KCNN3: variants seen among roughly 807,000 people sequenced by gnomAD.
KCNN3 encodes potassium calcium-activated channel subfamily N member 3, also known as small conductance calcium-activated potassium channel protein 3.
A neutral mutation model predicts 62.9 loss-of-function variants in KCNN3; 16 were observed. That is an observed-to-expected ratio of 0.25 (90% confidence interval 0.17 to 0.39). The LOEUF (loss-of-function observed/expected upper bound fraction) is 0.39. KCNN3 is among the 10% of genes least tolerant of loss of function. KCNN3 has a pLI of 1.00. For synonymous variants in KCNN3, 370 were observed against 389.2 expected, an observed-to-expected ratio of 0.95 and a Z score of 0.58; for missense variants, 599 against 949.4, an observed-to-expected ratio of 0.63 and a Z score of 4.85.
At chr1:154,857,655 T>G (rs1374048293) in intron 1 of KCNN3, among the ~76,000 whole-genome samples, 1 of 152,164 alleles carries the variant, frequency 6.6e-6, no homozygotes, top group Non-Finnish European at 1.5e-5. Flanking sequence ...CTCCCCTGTG[T>G]GCAAATCCAA....
intron 2 of KCNN3, among the ~76,000 whole-genome samples, chr1:154,790,383 A>G (rs1470309479): frequency 6.6e-6 from 1 of 152,232 alleles, no homozygotes; most frequent in African/African-American, 2.4e-5. Context: ...TGCATTTAAT[A>G]CACCTAACCT....
chr1:154,796,273 C>T (rs530815436), intron 2 of KCNN3, among the ~76,000 whole-genome samples: 2 of 152,332 alleles, frequency 1.3e-5, no homozygotes, highest in South Asian at 2.1e-4. Context: ...TCTGGCCTCC[C>T]AGGACCATTT....
chr1:154,709,393 T>G (rs1485254462), intron 7 of KCNN3, among the ~76,000 whole-genome samples: 1 of 152,160 alleles, frequency 6.6e-6, no homozygotes, highest in Non-Finnish European at 1.5e-5. Context: ...GGGTTTCTGA[T>G]GATCTGCCAG....
intron 5 of KCNN3, 91 bp from the exon 6 acceptor site, chr1:154,715,094 ACGATTTTG>A: frequency 1.4e-6 from 2 of 1,474,996 alleles, no homozygotes; most frequent in Non-Finnish European, 1.9e-6. Flanking sequence ...TCATAAGGAA[ACGATTTTG>A]CAATGATCTA....
intron 5 of KCNN3, 93 bp downstream of exon 5, chr1:154,725,823 G>C (rs766624453): frequency 7.5e-5 from 67 of 898,316 alleles, no homozygotes; most frequent in Non-Finnish European, 9.8e-5. Context: ...GATTACAGGC[G>C]TGAGCCACTG....
rs1012233133 is a variant in KCNN3, at chr1:154,809,932, C to T, written c.1029+12157G>A. The stretch of plus-strand genomic sequence containing the variant: ...GCAGTAACAAAGTGAGAAAGCAGGT[C>T]GGTGCCTTCTGTACTGACCTGATCC... On this transcript the variant is annotated intron_variant, in intron 2 of 7. Transcript: ENST00000271915. This position sits in a 1 kb window ranked among gnomAD's most constrained non-coding sequence, Gnocchi z 4.3. Among the ~76,000 whole-genome samples the T allele has an allele frequency of 2.6e-5, 4 of 152,180 alleles. No individual in the cohort carries two copies. The highest frequency in any genetic ancestry group is 6.5e-5 in the Admixed American group (1 of 15,280).
rs1229567739 is a variant in KCNN3, at chr1:154,862,809, G to A, written c.933+6223C>T. ...TCAAGCCCTTCCTGCCCAGCTCGTG[G>A]TAAAGTTCCTCCTGTTCCAACATTT... On this transcript the variant is annotated intron_variant, in intron 1 of 7. Transcript: ENST00000271915. This position sits in a 1 kb window ranked among gnomAD's most constrained non-coding sequence, Gnocchi z 4.1. 6.6e-6 allele frequency among the ~76,000 whole-genome samples: 1 copy of A among 152,150 alleles called. No individual in the cohort carries two copies. The highest frequency in any genetic ancestry group is 2.4e-5 in the African/African-American group (1 of 41,422).
chr1:154,764,098 T>C (rs1648146920), intron 3 of KCNN3, among the ~76,000 whole-genome samples: 1 of 152,256 alleles, frequency 6.6e-6, no homozygotes, highest in Non-Finnish European at 1.5e-5. Flanking sequence ...TTCTAGGTAC[T>C]TCTTTTGTAA....
At chr1:154,867,358 T>A (rs1652994784) in intron 1 of KCNN3, among the ~76,000 whole-genome samples, 1 of 152,190 alleles carries the variant, frequency 6.6e-6, no homozygotes, top group African/African-American at 2.4e-5. Flanking sequence ...GCTGAGACGC[T>A]CATCCTTGAG....
At chr1:154,748,274 C>T (rs1426333934) in intron 3 of KCNN3, among the ~76,000 whole-genome samples, 1 of 152,028 alleles carries the variant, frequency 6.6e-6, no homozygotes, top group Non-Finnish European at 1.5e-5. Flanking sequence ...CCGCCCGGGG[C>T]CCTCAGTCTG....
chr1:154,822,189 A>G lies in KCNN3; in HGVS notation c.934-5T>C. ...GGCCAACGAAAACATGGAGTCCTGC[A>G]GGAACAATGGAGAGAGAGAATTAGG... On this transcript the variant is annotated splice_region_variant and splice_polypyrimidine_tract_variant and intron_variant, in intron 1 of 7. Coordinates refer to ENST00000271915, the MANE Select transcript of KCNN3 (RefSeq NM_002249.6). The G allele has an allele frequency of 6.3e-7, 1 of 1,599,192 alleles. No individual in the cohort carries two copies. The highest frequency in any genetic ancestry group is 1.1e-5 in the South Asian group (1 of 90,794).
intron 3 of KCNN3, among the ~76,000 whole-genome samples, chr1:154,743,651 G>T (rs1003422182): frequency 6.6e-6 from 1 of 152,182 alleles, no homozygotes; most frequent in Non-Finnish European, 1.5e-5. Context: ...CTTTTCCTAG[G>T]GATCTGTGAT....
rs973173608 is a variant in KCNN3 at position 154,823,642 on chromosome 1, A to G, written c.934-1458T>C. Among the ~76,000 whole-genome samples the G allele has an allele frequency of 3.3e-5, 5 of 152,196 alleles. No homozygotes were observed. In the South Asian group the frequency reaches 6.2e-4, roughly 19 times the overall value. On this transcript the variant is annotated intron_variant, in intron 1 of 7. Transcript: ENST00000271915. Reference sequence around the variant, plus strand: ...CAACTTAGAAACATGGGAAGCATCCATTTAAATAGACCTAAATGACATCTT... The same window carrying G: ...CAACTTAGAAACATGGGAAGCATCCGTTTAAATAGACCTAAATGACATCTT...
At chr1:154,820,976 C>T (rs995538716) in intron 2 of KCNN3, among the ~76,000 whole-genome samples, 6 of 152,182 alleles carry the variant, frequency 3.9e-5, no homozygotes, top group Middle Eastern at 3.2e-3. Flanking sequence ...CTGAAAATGC[C>T]GAGTAACAAA....
At chr1:154,767,366 G>A (rs1457257426) in intron 3 of KCNN3, among the ~76,000 whole-genome samples, 4 of 152,148 alleles carry the variant, frequency 2.6e-5, no homozygotes, top group Non-Finnish European at 4.4e-5. Flanking sequence ...GCCTCAGGAG[G>A]GACCAAAGTG....
At chr1:154,805,675 T>C (rs980445029) in intron 2 of KCNN3, among the ~76,000 whole-genome samples, 2 of 152,198 alleles carry the variant, frequency 1.3e-5, no homozygotes, top group Admixed American at 6.5e-5. Context: ...AGGGTAGTAG[T>C]AGACTTCAGA....
chr1:154,868,056 C>T (rs1356941284), intron 1 of KCNN3: 1 of 985,552 alleles, frequency 1.0e-6, no homozygotes, highest in East Asian at 1.1e-4. Context: ...CCAGTGCCTG[C>T]TGTTCTCCAT....
chr1:154,735,582 G>C (rs565338276), intron 3 of KCNN3, among the ~76,000 whole-genome samples: 1 of 152,112 alleles, frequency 6.6e-6, no homozygotes, highest in Admixed American at 6.5e-5. Context: ...TTGCTCCCCT[G>C]GCTATCCTTG....
chr1:154,806,089 A>C (rs537774828), intron 2 of KCNN3, among the ~76,000 whole-genome samples: 1 of 152,142 alleles, frequency 6.6e-6, no homozygotes, highest in Admixed American at 6.5e-5. Context: ...TCCAGACTCT[A>C]TTCATGAGAA....
Sources: gnomAD v4.1 joint callset for allele counts (sites outside exome capture counted in the v4.1 genomes callset) on GRCh38, gnomAD v4.1.1 for gene constraint, Gnocchi (gnomAD v3.1) non-coding constraint, MANE v1.5 for transcripts, NCBI Gene and HGNC (gene_info 2026-07-23, HGNC 2026-07-21) for gene names.